CCDC150: variants seen among roughly 807,000 people sequenced by gnomAD.
The protein encoded by CCDC150 is coiled-coil domain-containing protein 150.
A neutral mutation model predicts 156.5 loss-of-function variants in CCDC150; 151 were observed. The observed-to-expected ratio is 0.97, with a 90% CI of 0.85 to 1.10. The LOEUF is 1.10. CCDC150 is among the 50% of genes least tolerant of loss of function. The pLI is 0.00. For synonymous variants in CCDC150, 452 were observed against 429.4 expected, an observed-to-expected ratio of 1.05 and a Z score of -0.65; for missense variants, 1,312 against 1,268.1, an observed-to-expected ratio of 1.03 and a Z score of -0.53.
At chr2:196,685,191 C>A (rs1695053003) in intron 13 of CCDC150, among the ~76,000 whole-genome samples, 1 of 151,906 alleles carries the variant, frequency 6.6e-6, no homozygotes, top group African/African-American at 2.4e-5. Flanking sequence ...CTTATCATTT[C>A]TTTTATTCTG....
chr2:196,676,704 A>G lies in CCDC150; in HGVS notation c.1413A>G (p.Leu471=). 1.2e-6 allele frequency: 2 copies of G among 1,613,440 alleles called. No individual in the cohort carries two copies. The highest frequency in any genetic ancestry group is 4.5e-5 in the East Asian group (2 of 44,850). Residue 471 remains leucine, a synonymous_variant, in exon 12 of 28, where the codon CTA becomes CTG. Coordinates refer to ENST00000389175, the MANE Select transcript of CCDC150 (RefSeq NM_001080539.2). ...EASMQEKKSL[L]EEKERFQREV... is the part of the protein sequence containing the mutation. ...CAATGCAAGAGAAGAAGTCTCTGCTAGAGGAGAAAGAAAGATTTCAGAGGG... is the reference window on the plus strand; with the variant it reads ...CAATGCAAGAGAAGAAGTCTCTGCTGGAGGAGAAAGAAAGATTTCAGAGGG...
chr2:196,707,639 G>A (rs976722601), intron 15 of CCDC150, among the ~76,000 whole-genome samples: 2 of 152,060 alleles, frequency 1.3e-5, no homozygotes, highest in Non-Finnish European at 2.9e-5. Context: ...TTTCTCTTGT[G>A]GGTATTTAGT....
intron 2 of CCDC150, among the ~76,000 whole-genome samples, chr2:196,654,069 C>T (rs987185740): frequency 6.6e-6 from 1 of 152,180 alleles, no homozygotes; most frequent in African/African-American, 2.4e-5. Context: ...AAAGTGAGAA[C>T]TCACTCATTG....
At chr2:196,673,061 G>A (rs911511142) in intron 9 of CCDC150, among the ~76,000 whole-genome samples, 4 of 152,138 alleles carry the variant, frequency 2.6e-5, no homozygotes, top group Non-Finnish European at 5.9e-5. Flanking sequence ...GCTGGGCTCT[G>A]TGTATAATAA....
intron 17 of CCDC150, among the ~76,000 whole-genome samples, chr2:196,715,808 T>A (rs1697458978): frequency 6.6e-6 from 1 of 152,126 alleles, no homozygotes; most frequent in Admixed American, 6.6e-5. Context: ...ACACAAAGAT[T>A]TCTTAGATTT....
At chr2:196,640,847 CAAAATGATCCAGTT>C (rs1233075632) in intron 1 of CCDC150, among the ~76,000 whole-genome samples, 1 of 152,222 alleles carries the variant, frequency 6.6e-6, no homozygotes, top group Non-Finnish European at 1.5e-5. Flanking sequence ...GGGAGGGAGT[CAAAATGATCCAGTT>C]AAAAGGAAAG....
intron 5 of CCDC150, among the ~76,000 whole-genome samples, chr2:196,659,461 G>C (rs1333777805): frequency 6.6e-6 from 1 of 152,130 alleles, no homozygotes; most frequent in Non-Finnish European, 1.5e-5. Context: ...ATATTTAAAA[G>C]ATTCTGTTAA....
intron 15 of CCDC150, among the ~76,000 whole-genome samples, chr2:196,704,555 AT>A (rs1196325043): frequency 6.6e-6 from 1 of 151,958 alleles, no homozygotes; most frequent in Non-Finnish European, 1.5e-5. Context: ...TAAAATCAGT[AT>A]TTTTTTAATT....
intron 13 of CCDC150, among the ~76,000 whole-genome samples, chr2:196,679,324 C>CT (rs1323729465): frequency 6.6e-6 from 1 of 152,114 alleles, no homozygotes; most frequent in African/African-American, 2.4e-5. Flanking sequence ...TCAATGCCTT[C>CT]TTCCACCTCC....
In CCDC150 at chr2:196,639,793, C is replaced by G. The variant is rs779652526; in HGVS notation, c.12+15C>G. On this transcript the variant is annotated intron_variant, in intron 1 of 27. Coordinates refer to ENST00000389175, the MANE Select transcript of CCDC150 (RefSeq NM_001080539.2). ...TGGACTGTAAGGTGAGGCTGCCGGG[C>G]CCCGGGCTGGTGAGGGGTGGTCGGA... is the stretch of plus-strand genomic sequence containing the variant. 6.4e-7 allele frequency: 1 copy of G among 1,574,714 alleles called. No individual in the cohort carries two copies.
chr2:196,717,929 G>A (rs1697637492), intron 17 of CCDC150, among the ~76,000 whole-genome samples: 1 of 151,962 alleles, frequency 6.6e-6, no homozygotes, highest in Non-Finnish European at 1.5e-5. Flanking sequence ...ATCGGACTCT[G>A]CACTATTTTT....
intron 15 of CCDC150, among the ~76,000 whole-genome samples, chr2:196,705,256 TGA>T (rs1383483942): frequency 6.6e-6 from 1 of 152,246 alleles, no homozygotes; most frequent in African/African-American, 2.4e-5. Context: ...CTAACTGGTG[TGA>T]GATGGTATCT....
chr2:196,690,046 TA>T (rs1435955070), intron 13 of CCDC150, among the ~76,000 whole-genome samples: 2 of 152,098 alleles, frequency 1.3e-5, no homozygotes, highest in Admixed American at 6.5e-5. Flanking sequence ...TATGCAGCCA[TA>T]AAAAATGATG....
At chr2:196,706,243 G>A (rs1473397368) in intron 15 of CCDC150, among the ~76,000 whole-genome samples, 1 of 152,184 alleles carries the variant, frequency 6.6e-6, no homozygotes, top group Non-Finnish European at 1.5e-5. Context: ...CACATCCCTT[G>A]TAAGTTGGAT....
At chr2:196,725,074 T>C (rs1698134287) in intron 21 of CCDC150, among the ~76,000 whole-genome samples, 1 of 152,146 alleles carries the variant, frequency 6.6e-6, no homozygotes, top group African/African-American at 2.4e-5. Flanking sequence ...CTGAATCCAT[T>C]AGTAGATGTG....
intron 13 of CCDC150, among the ~76,000 whole-genome samples, chr2:196,691,114 C>T (rs1695439442): frequency 6.6e-6 from 1 of 152,132 alleles, no homozygotes; most frequent in Non-Finnish European, 1.5e-5. Context: ...GCCAGTATTT[C>T]ACTGAGGATT....
At chr2:196,655,859 A>G (rs1383626792) in intron 2 of CCDC150, among the ~76,000 whole-genome samples, 3 of 151,966 alleles carry the variant, frequency 2.0e-5, no homozygotes, top group Non-Finnish European at 4.4e-5. Flanking sequence ...GGTAGACTGG[A>G]GTTATTGATG....
intron 14 of CCDC150, among the ~76,000 whole-genome samples, chr2:196,697,406 A>G (rs2125657404): frequency 6.6e-6 from 1 of 152,258 alleles, no homozygotes. Context: ...GAAAAGATCC[A>G]AATGTAGGAA....
chr2:196,731,176 C>T (rs1406089067), intron 26 of CCDC150, among the ~76,000 whole-genome samples: 1 of 152,016 alleles, frequency 6.6e-6, no homozygotes, highest in Non-Finnish European at 1.5e-5. Flanking sequence ...AATATTAAAC[C>T]TGAAGTCCAA....
Sources: gnomAD v4.1 joint callset for allele counts (sites outside exome capture counted in the v4.1 genomes callset) on GRCh38, gnomAD v4.1.1 for gene constraint, MANE v1.5 for transcripts, NCBI Gene and HGNC (gene_info 2026-07-23, HGNC 2026-07-21) for gene names.